Variants in IQSEC1 observed in about 807,000 individuals in gnomAD.
The protein encoded by IQSEC1 is IQ motif and Sec7 domain ArfGEF 1, also known as IQ motif and SEC7 domain-containing protein 1.
Under a neutral mutation model 91.0 loss-of-function variants are expected in IQSEC1, and 31 were observed. The ratio of observed to expected loss-of-function variants is 0.34; its 90% confidence interval spans 0.26 to 0.46. The LOEUF is 0.46. Ranked by LOEUF, IQSEC1 falls within the 20% of genes least tolerant of loss-of-function variation. The pLI is 1.00. For synonymous variants in IQSEC1, 699 were observed against 662.6 expected (o/e 1.05, Z -0.84); for missense variants, 1,388 against 1,575.6 (o/e 0.88, Z 2.02).
At chr3:12,923,403 G>A (rs1696812025) in intron 4 of IQSEC1, among the ~76,000 whole-genome samples, 1 of 152,190 alleles carries the variant, frequency 6.6e-6, no homozygotes, top group African/African-American at 2.4e-5. Flanking sequence ...GAGGGGAGGG[G>A]GCAGTAGCCA....
rs1038137089 is a variant in IQSEC1, at chr3:12,955,391, G to A, written c.24-13526C>T. ...AGGAAGCAGGGGGCAGACTGGCTCC[G>A]CAGGCTGGCAACCTGCACTTTCACT... is the stretch of plus-strand genomic sequence containing the variant. On this transcript the variant is annotated intron_variant, in intron 1 of 13. Coordinates refer to ENST00000613206, the MANE Select transcript of IQSEC1 (RefSeq NM_001134382.3). Among the ~76,000 whole-genome samples the A allele has an allele frequency of 9.2e-5, 14 of 152,344 alleles. No individual in the cohort carries two copies. The East Asian group carries it at 1.7e-3, about 19-fold the overall frequency.
intron 1 of IQSEC1, among the ~76,000 whole-genome samples, chr3:13,260,028 G>C (rs901230656): frequency 1.3e-5 from 2 of 152,256 alleles, no homozygotes; most frequent in African/African-American, 2.4e-5. Context: ...GCCTGCCAGA[G>C]GCAAAACCAG....
At chr3:13,195,343 C>G (rs764201495) in intron 1 of IQSEC1, among the ~76,000 whole-genome samples, 12 of 152,004 alleles carry the variant, frequency 7.9e-5, no homozygotes, top group Non-Finnish European at 1.6e-4. Flanking sequence ...CACCAGAGGC[C>G]GGAGAGGATA....
chr3:12,910,681 G>A (rs1246771019), intron 10 of IQSEC1, among the ~76,000 whole-genome samples: 1 of 152,228 alleles, frequency 6.6e-6, no homozygotes, highest in African/African-American at 2.4e-5. Context: ...GCTGTCCCTG[G>A]TCCCACTGAA....
At chr3:12,948,276 G>A (rs1699312055) in intron 1 of IQSEC1, among the ~76,000 whole-genome samples, 1 of 152,248 alleles carries the variant, frequency 6.6e-6, no homozygotes, top group African/African-American at 2.4e-5. Context: ...CCCAGCAGCT[G>A]GAGGCAGGAA....
At chr3:13,133,557 G>A (rs1341556781) in intron 2 of IQSEC1, among the ~76,000 whole-genome samples, 1 of 152,204 alleles carries the variant, frequency 6.6e-6, no homozygotes, top group Non-Finnish European at 1.5e-5. Flanking sequence ...TGCCAGGCCC[G>A]GCTCTGCCCT....
At position 13,008,994 on chromosome 3, in the gene IQSEC1, C is replaced by T. The variant is rs1029241057; in HGVS notation, c.23+63998G>A. Among the ~76,000 whole-genome samples the T allele has an allele frequency of 1.3e-5, 2 of 152,338 alleles. No individual in the cohort carries two copies. Among genetic ancestry groups the T allele is most frequent in the Middle Eastern group, 6.8e-3 (2 of 294 alleles). ...ACAAGGCCACATGGCTTGTATGCTG[C>T]AGAGCTGGGTCTTGGCCTGGCTTTC... On this transcript the variant is annotated intron_variant, in intron 1 of 13. Transcript: ENST00000613206. The surrounding 1 kb of genome is among the most constrained non-coding windows in gnomAD (Gnocchi z 4.1).
chr3:12,967,444 C>A lies in IQSEC1; in HGVS notation c.24-25579G>T. On this transcript the variant is annotated intron_variant, in intron 1 of 13. Coordinates refer to ENST00000613206, the MANE Select transcript of IQSEC1 (RefSeq NM_001134382.3). This position sits in a 1 kb window ranked among gnomAD's most constrained non-coding sequence, Gnocchi z 5.9. Reference sequence around the variant, plus strand: ...GGTCCTCTCCGAGTTGCAGTGCAGGCACCACATGGCGGCCGCAGTGGGAGC... The same window carrying A: ...GGTCCTCTCCGAGTTGCAGTGCAGGAACCACATGGCGGCCGCAGTGGGAGC... The A allele has an allele frequency of 1.3e-6, 2 of 1,522,610 alleles. No individual in the cohort carries two copies. The highest frequency in any genetic ancestry group is 8.8e-7 in the Non-Finnish European group (1 of 1,140,120). The allele number at this position is 1,522,610 out of a possible 1,614,324, so 94.3% of individuals were successfully genotyped here. A position where few individuals can be genotyped will look rare whatever the true frequency, so the allele number is the denominator to read the frequency against.
intron 1 of IQSEC1, among the ~76,000 whole-genome samples, chr3:13,248,675 T>C (rs1343288238): frequency 1.3e-5 from 2 of 152,238 alleles, no homozygotes; most frequent in African/African-American, 4.8e-5. Context: ...AATAAAGTGC[T>C]GTAAGTATAA....
intron 1 of IQSEC1, among the ~76,000 whole-genome samples, chr3:13,244,105 G>T (rs1175659511): frequency 6.6e-6 from 1 of 152,200 alleles, no homozygotes; most frequent in Non-Finnish European, 1.5e-5. Context: ...CCTCCAGCCC[G>T]TCTGACTCCT....
intron 1 of IQSEC1, among the ~76,000 whole-genome samples, chr3:13,266,928 C>G (rs1182826841): frequency 1.3e-5 from 2 of 152,142 alleles, no homozygotes; most frequent in African/African-American, 4.8e-5. Flanking sequence ...TGGGCCCCCG[C>G]TGCACCCCTG....
intron 1 of IQSEC1, among the ~76,000 whole-genome samples, chr3:13,174,840 C>CA (rs1248925295): frequency 6.6e-6 from 1 of 151,664 alleles, no homozygotes; most frequent in Non-Finnish European, 1.5e-5. Context: ...TGCTCCCCCC[C>CA]CCCACCTCCT....
chr3:12,941,737 G>A lies in IQSEC1; in HGVS notation c.152C>T (p.Ala51Val), dbSNP rs933329955. 6.2e-7 allele frequency: 1 copy of A among 1,612,442 alleles called. No individual in the cohort carries two copies. The highest frequency in any genetic ancestry group is 8.5e-7 in the Non-Finnish European group (1 of 1,179,980). The change falls in exon 2 of 14, where the codon GCC (alanine) becomes GTC (valine). Residue 51 changes from alanine (A) to valine (V), a missense_variant. By Grantham distance (64) the Ala-to-Val change is moderately conservative. Transcript: ENST00000613206. Reference protein sequence around the residue: ...PDHYEHTSVGAYGLYSGPPGQ... With the variant: ...PDHYEHTSVGVYGLYSGPPGQ... ...CGGCGGCCCCGAGTACAGCCCATAGGCTCCCACTGACGTGTGCTCGTAGTG... is the reference window on the plus strand; with the variant it reads ...CGGCGGCCCCGAGTACAGCCCATAGACTCCCACTGACGTGTGCTCGTAGTG...
chr3:13,073,350 G>C lies in IQSEC1; in HGVS notation c.-336C>G, dbSNP rs1236033236. On this transcript the variant is annotated 5_prime_UTR_variant, in exon 1 of 14. Coordinates refer to ENST00000613206, the MANE Select transcript of IQSEC1 (RefSeq NM_001134382.3). Reference sequence around the variant, plus strand: ...GCCCACCTTGGGGTTTTTCCCTCCCGTCCATCCGGGGTGCGGGGCGCGGGG... The same window carrying C: ...GCCCACCTTGGGGTTTTTCCCTCCCCTCCATCCGGGGTGCGGGGCGCGGGG... Among the ~76,000 whole-genome samples the C allele has an allele frequency of 6.6e-6, 1 of 152,182 alleles. No individual in the cohort carries two copies. The highest frequency in any genetic ancestry group is 1.5e-5 in the Non-Finnish European group (1 of 68,014).
chr3:13,249,313 A>C (rs1315851105), intron 1 of IQSEC1, among the ~76,000 whole-genome samples: 4 of 151,520 alleles, frequency 2.6e-5, no homozygotes. Context: ...CTGGGACTAC[A>C]GGCACCCGCC....
chr3:13,101,263 T>C (rs1221791131), intron 2 of IQSEC1, among the ~76,000 whole-genome samples: 1 of 151,868 alleles, frequency 6.6e-6, no homozygotes, highest in African/African-American at 2.4e-5. Context: ...GGGTGGATCA[T>C]GAGGTCAGAA....
Position 12,924,522 on chromosome 3 carries a change from C to T in IQSEC1, c.1730+59G>A, listed in dbSNP as rs1035846827. 4.0e-6 allele frequency: 6 copies of T among 1,507,310 alleles called. No homozygotes were observed. In the Admixed American group the frequency reaches 6.0e-5, roughly 15 times the overall value. 93.4% of individuals were successfully genotyped at this position (1,507,310 alleles called of 1,614,324 possible). A position where few individuals can be genotyped will look rare whatever the true frequency, so the allele number is the denominator to read the frequency against. On this transcript the variant is annotated intron_variant, in intron 4 of 13. Coordinates refer to ENST00000613206, the MANE Select transcript of IQSEC1 (RefSeq NM_001134382.3). This position sits in a 1 kb window ranked among gnomAD's most constrained non-coding sequence, Gnocchi z 6.3. ...GCCCTGTGTGTGCCCACGGGTAACA[C>T]AGGGTGCGTGAGGGCGTGTGTGGAA...
chr3:12,901,181 G>A lies in IQSEC1; in HGVS notation c.3147C>T (p.Pro1049=). The change falls in exon 14 of 14, where the codon CCC becomes CCT. Residue 1049 remains proline (P), a synonymous_variant. Transcript: ENST00000613206. ...PYHHHHHHHP[P]QHIQHAHQYH... is the part of the protein sequence containing the mutation. Reference sequence around the variant, plus strand: ...ACTGGTGTGCGTGCTGGATGTGCTGGGGTGGGTGGTGGTGGTGGTGATGGT... The same window carrying A: ...ACTGGTGTGCGTGCTGGATGTGCTGAGGTGGGTGGTGGTGGTGGTGATGGT... 1 of 1,543,312 alleles carries A rather than the reference G, an allele frequency of 6.5e-7. No homozygotes were observed.
chr3:13,155,180 TAAC>T (rs968696135), intron 2 of IQSEC1, among the ~76,000 whole-genome samples: 9 of 151,922 alleles, frequency 5.9e-5, no homozygotes, highest in African/African-American at 1.2e-4. Flanking sequence ...AGTAAACAAA[TAAC>T]AATAATAAAT....
Sources: allele counts gnomAD v4.1 joint callset (sites outside exome capture counted in the v4.1 genomes callset), GRCh38; gene constraint gnomAD v4.1.1; non-coding constraint Gnocchi (gnomAD v3.1); transcripts MANE v1.5; gene names NCBI Gene and HGNC (gene_info 2026-07-23, HGNC 2026-07-21).